The following RDX variants were observed in gnomAD, a reference collection of about 807,000 sequenced individuals.
RDX encodes the protein deafness, autosomal recessive 24.
A neutral mutation model predicts 83.7 loss-of-function variants in RDX; 32 were observed. The ratio of observed to expected loss-of-function variants is 0.38; its 90% CI spans 0.29 to 0.51. RDX has a LOEUF of 0.51. RDX is among the 20% of genes least tolerant of loss of function. The pLI, the probability that RDX is intolerant of heterozygous loss-of-function variation, is 0.87. For synonymous variants in RDX, 229 were observed against 222.7 expected (o/e 1.03, Z -0.25); for missense variants, 600 against 689.9 (o/e 0.87, Z 1.46).
intron 1 of RDX, among the ~76,000 whole-genome samples, chr11:110,289,811 G>A (rs1049503134): frequency 3.3e-5 from 5 of 150,592 alleles, no homozygotes; most frequent in East Asian, 3.9e-4. Context: ...GTCAGACGTG[G>A]TGACCTGTTT....
intron 1 of RDX, among the ~76,000 whole-genome samples, chr11:110,292,024 G>C (rs887038978): frequency 9.2e-5 from 14 of 152,178 alleles, no homozygotes; most frequent in African/African-American, 3.4e-4. Context: ...CAGGCACAGT[G>C]GTTCACACCT....
chr11:110,274,355 T>C (rs1860426729), intron 2 of RDX, among the ~76,000 whole-genome samples: 1 of 152,228 alleles, frequency 6.6e-6, no homozygotes. Context: ...AAAAAAATGG[T>C]TCTAACGTAA....
chr11:110,266,842 C>A (rs1376411646), intron 3 of RDX, among the ~76,000 whole-genome samples: 1 of 152,106 alleles, frequency 6.6e-6, no homozygotes, highest in Admixed American at 6.6e-5. Flanking sequence ...CCCACTTCAG[C>A]CTCTCAAAAT....
Position 110,256,553 on chromosome 11 carries a change from C to G in RDX, c.699-1168G>C, listed in dbSNP as rs377642745. On this transcript the variant is annotated intron_variant, in intron 7 of 13. Coordinates refer to ENST00000645495, the MANE Select transcript of RDX (RefSeq NM_002906.4). ...TTTTTTAACATTTAAAAAAATTGCT[C>G]CAATATGTGCCAGAACCACCACCAC... Among the ~76,000 whole-genome samples the G allele has an allele frequency of 1.1e-3, 162 of 152,138 alleles. 1 individual carries two copies. Among genetic ancestry groups the G allele is most frequent in the South Asian group, 9.6e-3 (46 of 4,808 alleles).
At chr11:110,192,443 A>C (rs1234556933) in intron 15 of RDX, among the ~76,000 whole-genome samples, 1 of 152,228 alleles carries the variant, frequency 6.6e-6, no homozygotes, top group African/African-American at 2.4e-5. Context: ...TCTAGAAGAA[A>C]ACCTGGCCCT....
intron 14 of RDX, among the ~76,000 whole-genome samples, chr11:110,210,471 T>C (rs1299276907): frequency 2.4e-4 from 36 of 147,194 alleles, no homozygotes; most frequent in Non-Finnish European, 4.6e-4. Flanking sequence ...AACATTCAGA[T>C]TCAGGAAATA....
At chr11:110,247,165 A>G (rs1859146062) in intron 10 of RDX, among the ~76,000 whole-genome samples, 2 of 151,510 alleles carry the variant, frequency 1.3e-5, no homozygotes, top group Admixed American at 6.6e-5. Context: ...CCTAAGAAGT[A>G]AGTTCTTCCA....
At chr11:110,258,940 C>T (rs1859677300) in intron 5 of RDX, among the ~76,000 whole-genome samples, 1 of 139,216 alleles carries the variant, frequency 7.2e-6, no homozygotes, top group African/African-American at 2.7e-5. Context: ...GGCACAATCT[C>T]GGTTCACTGC....
intron 14 of RDX, among the ~76,000 whole-genome samples, chr11:110,209,468 G>T (rs956801600): frequency 6.6e-6 from 1 of 152,198 alleles, no homozygotes; most frequent in African/African-American, 2.4e-5. Context: ...CGGGAAGCTC[G>T]AACTGGGTGG....
At chr11:110,272,824 T>C (rs1860358967) in intron 2 of RDX, 1 of 565,390 alleles carries the variant, frequency 1.8e-6, no homozygotes, top group Admixed American at 2.7e-5. Flanking sequence ...AGCTATGGGC[T>C]TTCCATACTC....
At position 110,275,612 on chromosome 11, in the gene RDX, T is replaced by C. The variant is rs1860482599; in HGVS notation, c.13-2993A>G. On this transcript the variant is annotated intron_variant, in intron 2 of 13. Transcript: ENST00000645495. Reference sequence around the variant, plus strand: ...TTCTTACTTTAACGTAGGAAGTCTTTATATATTCTTGATACTGATCCTTTG... The same window carrying C: ...TTCTTACTTTAACGTAGGAAGTCTTCATATATTCTTGATACTGATCCTTTG... Among the ~76,000 whole-genome samples the C allele has an allele frequency of 2.0e-5, 3 of 152,202 alleles. No individual in the cohort carries two copies. The South Asian group carries it at 6.2e-4, about 31-fold the overall frequency.
At chr11:110,223,385 C>T (rs544545119) in intron 14 of RDX, among the ~76,000 whole-genome samples, 2 of 151,744 alleles carry the variant, frequency 1.3e-5, no homozygotes, top group South Asian at 4.2e-4. Flanking sequence ...AAAAATTAGC[C>T]AGGCATGGTG....
chr11:110,283,868 A>G (rs1365784415), intron 1 of RDX, among the ~76,000 whole-genome samples: 2 of 152,080 alleles, frequency 1.3e-5, no homozygotes, highest in Non-Finnish European at 2.9e-5. Flanking sequence ...CCAAAATAAA[A>G]AAGAGTAGAA....
chr11:110,207,468 CA>C (rs1328969559), intron 14 of RDX, among the ~76,000 whole-genome samples: 31 of 152,276 alleles, frequency 2.0e-4, no homozygotes, highest in African/African-American at 5.3e-4. Flanking sequence ...AGGGTCACAT[CA>C]AAATATTAAT....
intron 5 of RDX, among the ~76,000 whole-genome samples, chr11:110,262,430 C>T (rs1322523466): frequency 1.3e-5 from 2 of 151,846 alleles, no homozygotes; most frequent in South Asian, 2.1e-4. Flanking sequence ...ACTAAAAATG[C>T]AAAAATTAGC....
chr11:110,282,600 T>C (rs983190273), intron 1 of RDX, among the ~76,000 whole-genome samples: 1 of 152,188 alleles, frequency 6.6e-6, no homozygotes, highest in Non-Finnish European at 1.5e-5. Flanking sequence ...TAGATCACAA[T>C]GCAGCCTATC....
chr11:110,203,383 G>A (rs897697536), intron 14 of RDX, among the ~76,000 whole-genome samples: 2 of 148,860 alleles, frequency 1.3e-5, no homozygotes, highest in African/African-American at 5.0e-5. Context: ...TGGGGAAGCA[G>A]GAGGTTGGGA....
At chr11:110,222,805 AAATG>A (rs370229369) in intron 14 of RDX, among the ~76,000 whole-genome samples, 1 of 152,016 alleles carries the variant, frequency 6.6e-6, no homozygotes, top group Non-Finnish European at 1.5e-5. Context: ...CAACTCAAAT[AAATG>A]AATGAATGAA....
intron 2 of RDX, among the ~76,000 whole-genome samples, chr11:110,274,147 T>A (rs1019634624): frequency 5.9e-5 from 9 of 152,332 alleles, no homozygotes; most frequent in Non-Finnish European, 1.3e-4. Context: ...TTTCTAAAAC[T>A]GTATCTTATT....
Sources: allele counts gnomAD v4.1 joint callset (sites outside exome capture counted in the v4.1 genomes callset), GRCh38; gene constraint gnomAD v4.1.1; transcripts MANE v1.5; gene names NCBI Gene and HGNC (gene_info 2026-07-23, HGNC 2026-07-21).